The following EHMT1 variants were observed in gnomAD, a reference collection of about 807,000 sequenced individuals.
EHMT1 encodes histone-lysine N-methyltransferase EHMT1.
In EHMT1, 15 loss-of-function variants were observed where a neutral mutation model predicts 147.2. That is an observed-to-expected ratio of 0.10 (90% CI 0.07 to 0.16). EHMT1 has a LOEUF of 0.16. Among genes scored for constraint, EHMT1 ranks in the 10% least tolerant of loss-of-function variants. The pLI, the probability that EHMT1 is intolerant of heterozygous loss-of-function variation, is 1.00. For missense variants in EHMT1, 1,587 were observed against 1,772.4 expected (o/e 0.90, Z 1.88); for synonymous variants, 795 against 709.6 (o/e 1.12, Z -1.91).
In EHMT1 at chr9:137,754,282, G is replaced by A. The variant is rs774046148; in HGVS notation, c.1360G>A (p.Gly454Ser). Reference sequence around the variant, plus strand: ...GCGGAGAAGTAGAAAGAAGCCCAGCGGTGCCCTCGGTAAATGCCGTGGGGG... The same window carrying A: ...GCGGAGAAGTAGAAAGAAGCCCAGCAGTGCCCTCGGTAAATGCCGTGGGGG... Reference protein sequence around the residue: ...RRRRSRKKPSGALGSESYKSS... With the variant: ...RRRRSRKKPSSALGSESYKSS... The change falls in exon 8 of 27, where the codon GGT (glycine) becomes AGT (serine). Residue 454 changes from glycine to serine, a missense_variant. By Grantham distance (56) the Gly-to-Ser change is moderately conservative. Transcript: ENST00000460843. The A allele has an allele frequency of 1.6e-5, 26 of 1,613,904 alleles. No homozygotes were observed. The highest frequency in any genetic ancestry group is 4.0e-5 in the African/African-American group (3 of 74,896).
intron 1 of EHMT1, among the ~76,000 whole-genome samples, chr9:137,627,727 T>G (rs1216020025): frequency 1.3e-5 from 2 of 149,806 alleles, no homozygotes; most frequent in Middle Eastern, 3.5e-3. Flanking sequence ...TGAGACAGAG[T>G]CTTGGTCTTG....
At chr9:137,780,826 T>C (rs1951392155) in intron 14 of EHMT1, among the ~76,000 whole-genome samples, 3 of 82,152 alleles carry the variant, frequency 3.7e-5, no homozygotes, top group Non-Finnish European at 7.0e-5. Flanking sequence ...TGTGTGGTGA[T>C]GACGCCGAGA....
chr9:137,706,164 G>C (rs1401234147), intron 1 of EHMT1, among the ~76,000 whole-genome samples: 1 of 152,190 alleles, frequency 6.6e-6, no homozygotes, highest in Non-Finnish European at 1.5e-5. Flanking sequence ...CTGGCCTGGG[G>C]GTTGGCGAGT....
chr9:137,823,945 T>C (rs1955637806), intron 25 of EHMT1, among the ~76,000 whole-genome samples: 1 of 152,234 alleles, frequency 6.6e-6, no homozygotes, highest in Non-Finnish European at 1.5e-5. Context: ...TATAAATATG[T>C]GTGTGATGTG....
chr9:137,751,268 T>G (rs1269484272), intron 6 of EHMT1, among the ~76,000 whole-genome samples: 2 of 152,198 alleles, frequency 1.3e-5, no homozygotes, highest in Non-Finnish European at 2.9e-5. Context: ...ACCTTTGACT[T>G]GTTCAGATAA....
At chr9:137,748,734 A>G (rs992439203) in intron 6 of EHMT1, among the ~76,000 whole-genome samples, 2 of 152,202 alleles carry the variant, frequency 1.3e-5, no homozygotes, top group Admixed American at 6.5e-5. Flanking sequence ...TTACTTTGCC[A>G]TTTGGATGCC....
chr9:137,811,460 G>T lies in EHMT1; in HGVS notation c.2713-1G>T. 1 of 1,612,474 alleles carries T rather than the reference G, an allele frequency of 6.2e-7. No individual in the cohort carries two copies. ...CTGAGCTCTGGCTTGTGTCTGTTCA[G>T]GAGGAGAACATTTGCCTGCACTGGG... On this transcript the variant is annotated splice_acceptor_variant, in intron 18 of 26. Coordinates refer to ENST00000460843, the MANE Select transcript of EHMT1 (RefSeq NM_024757.5). LOFTEE classifies it high-confidence loss of function.
At chr9:137,739,454 G>A (rs562317465) in intron 4 of EHMT1, among the ~76,000 whole-genome samples, 2 of 152,342 alleles carry the variant, frequency 1.3e-5, no homozygotes, top group Non-Finnish European at 2.9e-5. Flanking sequence ...TCCACACTTG[G>A]GTAGAAGCTG....
chr9:137,826,088 T>C (rs1034192609), intron 25 of EHMT1, among the ~76,000 whole-genome samples: 37 of 150,708 alleles, frequency 2.5e-4, no homozygotes, highest in Admixed American at 2.3e-3. Flanking sequence ...AAATAATTTA[T>C]GTGTATTTTA....
At chr9:137,662,797 TTTA>T (rs1352615472) in intron 1 of EHMT1, among the ~76,000 whole-genome samples, 7 of 146,242 alleles carry the variant, frequency 4.8e-5, no homozygotes, top group African/African-American at 1.9e-4. Flanking sequence ...TATTTATTTA[TTTA>T]TTTATTTATT....
intron 25 of EHMT1, among the ~76,000 whole-genome samples, chr9:137,825,346 G>A (rs1019918449): frequency 7.2e-5 from 11 of 152,160 alleles, no homozygotes; most frequent in South Asian, 4.1e-4. Context: ...TCCGAGCCAC[G>A]GCCACGCTGA....
chr9:137,783,220 C>T (rs1321436326), intron 15 of EHMT1, among the ~76,000 whole-genome samples: 1 of 152,214 alleles, frequency 6.6e-6, no homozygotes, highest in Non-Finnish European at 1.5e-5. Context: ...CTTCTGTGCC[C>T]AGGTCTTCTA....
At chr9:137,765,339 G>A (rs1259520879) in intron 10 of EHMT1, among the ~76,000 whole-genome samples, 5 of 151,814 alleles carry the variant, frequency 3.3e-5, no homozygotes, top group African/African-American at 7.3e-5. Flanking sequence ...AGTGGTATCC[G>A]GAGGGCTTGA....
In EHMT1 at chr9:137,743,515, CTGTGGGTTCCAA is replaced by C; in HGVS notation, c.969_980del (p.Val324_Lys327del). The C allele has an allele frequency of 6.2e-7, 1 of 1,614,126 alleles. No homozygotes were observed. The highest frequency in any genetic ancestry group is 8.5e-7 in the Non-Finnish European group (1 of 1,180,028). On this transcript the variant is annotated inframe_deletion and splice_region_variant, in exon 5 of 27. Coordinates refer to ENST00000460843, the MANE Select transcript of EHMT1 (RefSeq NM_024757.5). Reference sequence around the variant, plus strand: ...ATGTTTAAGAGCATAACTCATTCCACTGTGGGTTCCAAGGTAAGAGACGCATTTGAGTGAGTT... The same window carrying C: ...ATGTTTAAGAGCATAACTCATTCCACGGTAAGAGACGCATTTGAGTGAGTT...
At chr9:137,834,730 C>T (rs766370802) in intron 26 of EHMT1, 43 bp from the exon 27 acceptor site, 2 of 1,612,872 alleles carry the variant, frequency 1.2e-6, no homozygotes, top group Admixed American at 1.7e-5. Flanking sequence ...TGGGAGGTGC[C>T]GGTGGGATTC....
intron 25 of EHMT1, among the ~76,000 whole-genome samples, chr9:137,829,453 G>A (rs1956046185): frequency 6.6e-6 from 1 of 152,252 alleles, no homozygotes; most frequent in South Asian, 2.1e-4. Context: ...CTGATACAGT[G>A]TAAAGTTAGT....
chr9:137,682,106 C>T (rs998157716), intron 1 of EHMT1, among the ~76,000 whole-genome samples: 2 of 151,954 alleles, frequency 1.3e-5, no homozygotes, highest in African/African-American at 2.4e-5. Flanking sequence ...GCCCCCACCA[C>T]GCCCGCTCAT....
intron 18 of EHMT1, among the ~76,000 whole-genome samples, chr9:137,805,205 T>G (rs2137498386): frequency 6.6e-6 from 1 of 151,986 alleles, no homozygotes; most frequent in South Asian, 2.1e-4. Context: ...GTGAGTCATC[T>G]GCATGTCTGT....
chr9:137,707,614 A>G (rs1024001541), intron 1 of EHMT1, among the ~76,000 whole-genome samples: 7 of 152,166 alleles, frequency 4.6e-5, no homozygotes, highest in Non-Finnish European at 7.4e-5. Flanking sequence ...GTTGAATTGG[A>G]CACACAGCAG....
Sources: gnomAD v4.1 joint callset for allele counts (sites outside exome capture counted in the v4.1 genomes callset) on GRCh38, gnomAD v4.1.1 for gene constraint, MANE v1.5 for transcripts, NCBI Gene and HGNC (gene_info 2026-07-23, HGNC 2026-07-21) for gene names.